Variants in GLIS3 observed in about 807,000 individuals in gnomAD.
The protein encoded by GLIS3 is GLIS family zinc finger 3.
Under a neutral mutation model 78.6 loss-of-function variants are expected in GLIS3, and 53 were observed. That is an observed-to-expected ratio of 0.67 (90% CI 0.54 to 0.85). GLIS3 has a LOEUF of 0.85. Among genes scored for constraint, GLIS3 ranks in the 40% least tolerant of loss-of-function variants. The pLI is 0.00. For missense variants in GLIS3, 1,703 were observed against 1,231.1 expected, an observed-to-expected ratio of 1.38 and a Z score of -5.74; for synonymous variants, 684 against 509.9, an observed-to-expected ratio of 1.34 and a Z score of -4.60.
At chr9:3,915,137 A>G (rs1491004105) in intron 6 of GLIS3, among the ~76,000 whole-genome samples, 1 of 152,174 alleles carries the variant, frequency 6.6e-6, no homozygotes, top group Non-Finnish European at 1.5e-5. Context: ...GACAGGGACT[A>G]GACTCTCCTA....
At chr9:4,411,053 A>C in the GLIS3 span, among the ~76,000 whole-genome samples, 6 of 152,238 alleles carry the variant, frequency 3.9e-5, no homozygotes, top group African/African-American at 1.4e-4. Flanking sequence ...TTTAACGCAA[A>C]CAAAATGATA....
chr9:4,450,442 G>C, the GLIS3 span, among the ~76,000 whole-genome samples: 1 of 152,274 alleles, frequency 6.6e-6, no homozygotes, highest in South Asian at 2.1e-4. Flanking sequence ...TTATCCAGGA[G>C]AACATCCCCA....
At chr9:4,428,404 G>C in the GLIS3 span, among the ~76,000 whole-genome samples, 655 of 150,708 alleles carry the variant, frequency 4.3e-3, 3 homozygotes, top group African/African-American at 0.015. Flanking sequence ...GCTTGAACCT[G>C]GGAGGCAGAG....
intron 2 of GLIS3, among the ~76,000 whole-genome samples, chr9:4,319,973 G>A (rs1354788394): frequency 6.7e-6 from 1 of 149,902 alleles, no homozygotes; most frequent in Non-Finnish European, 1.5e-5. Context: ...CAGTAGGTTA[G>A]TAGAGGGGGT....
the GLIS3 span, among the ~76,000 whole-genome samples, chr9:4,448,942 A>T: frequency 1.1e-3 from 164 of 152,328 alleles, 2 homozygotes; most frequent in Admixed American, 3.1e-3. Context: ...CAACTGAGGT[A>T]CGTGGTTCAT....
chr9:4,254,610 C>T (rs1824730931), intron 2 of GLIS3, among the ~76,000 whole-genome samples: 1 of 152,144 alleles, frequency 6.6e-6, no homozygotes, highest in Non-Finnish European at 1.5e-5. Flanking sequence ...GAGGCTGAGG[C>T]AGGCAGATTA....
At chr9:4,332,112 C>G (rs1233692637) in intron 2 of GLIS3, among the ~76,000 whole-genome samples, 1 of 152,186 alleles carries the variant, frequency 6.6e-6, no homozygotes, top group Non-Finnish European at 1.5e-5. Context: ...CATCCCATCA[C>G]TAACTATTCT....
At chr9:3,846,080 G>C (rs1044579520) in intron 9 of GLIS3, among the ~76,000 whole-genome samples, 9 of 152,188 alleles carry the variant, frequency 5.9e-5, no homozygotes, top group Admixed American at 6.5e-5. Flanking sequence ...TGATTTTTCA[G>C]CTATCAGTGT....
intron 2 of GLIS3, among the ~76,000 whole-genome samples, chr9:4,277,899 G>A (rs1157070849): frequency 6.6e-6 from 1 of 152,078 alleles, no homozygotes; most frequent in East Asian, 1.9e-4. Flanking sequence ...ATATAACCGG[G>A]ATCCTTCAAA....
intron 7 of GLIS3, among the ~76,000 whole-genome samples, chr9:3,889,208 T>A (rs1417842186): frequency 6.6e-6 from 1 of 152,210 alleles, no homozygotes; most frequent in African/African-American, 2.4e-5. Flanking sequence ...CTGAGGCAGT[T>A]TCTTCCTAAG....
At chr9:4,038,524 C>T (rs1489144710) in intron 4 of GLIS3, among the ~76,000 whole-genome samples, 1 of 152,200 alleles carries the variant, frequency 6.6e-6, no homozygotes, top group East Asian at 1.9e-4. Context: ...AAATCCAATA[C>T]ACTTTCCCAG....
chr9:4,044,718 C>T (rs1421673810), intron 4 of GLIS3, among the ~76,000 whole-genome samples: 2 of 152,210 alleles, frequency 1.3e-5, no homozygotes, highest in Non-Finnish European at 2.9e-5. Flanking sequence ...GCTCACAGTA[C>T]TGTCACAGAG....
At chr9:3,947,940 G>C (rs1816410524) in intron 4 of GLIS3, among the ~76,000 whole-genome samples, 1 of 152,108 alleles carries the variant, frequency 6.6e-6, no homozygotes, top group Admixed American at 6.5e-5. Flanking sequence ...TGTACTTCTT[G>C]TTAAAAATCA....
chr9:4,055,346 G>A (rs911470391), intron 4 of GLIS3, among the ~76,000 whole-genome samples: 5 of 152,234 alleles, frequency 3.3e-5, no homozygotes, highest in Admixed American at 6.5e-5. Context: ...GGGTGCCTCC[G>A]TCCATCCCTG....
At chr9:4,485,337 T>C in the GLIS3 span, among the ~76,000 whole-genome samples, 1 of 151,974 alleles carries the variant, frequency 6.6e-6, no homozygotes, top group African/African-American at 2.4e-5. Flanking sequence ...TTCTGAGATG[T>C]TTTTCAGACT....
At chr9:3,856,474 A>G (rs150200772) in intron 8 of GLIS3, among the ~76,000 whole-genome samples, 1 of 152,202 alleles carries the variant, frequency 6.6e-6, no homozygotes, top group Non-Finnish European at 1.5e-5. Context: ...CAAATACACT[A>G]TGTTTGGTGA....
chr9:4,074,160 G>A (rs1477570196), intron 4 of GLIS3, among the ~76,000 whole-genome samples: 2 of 152,150 alleles, frequency 1.3e-5, no homozygotes, highest in African/African-American at 4.8e-5. Flanking sequence ...TGTTGAGCTA[G>A]CTCCAGCCTA....
chr9:4,087,104 T>C (rs1235610443), intron 4 of GLIS3, among the ~76,000 whole-genome samples: 2 of 152,166 alleles, frequency 1.3e-5, no homozygotes, highest in African/African-American at 4.8e-5. Context: ...GGAATAACTA[T>C]ATTTGTTTGC....
the GLIS3 span, among the ~76,000 whole-genome samples, chr9:4,483,536 G>A: frequency 4.0e-4 from 61 of 152,028 alleles, no homozygotes; most frequent in East Asian, 0.012. Flanking sequence ...TGACCAACAT[G>A]GTGAAACCCC....
Sources: gnomAD v4.1 joint callset for allele counts (sites outside exome capture counted in the v4.1 genomes callset) on GRCh38, gnomAD v4.1.1 for gene constraint, MANE v1.5 for transcripts, NCBI Gene and HGNC (gene_info 2026-07-23, HGNC 2026-07-21) for gene names.